Variants in RBFOX1 observed in about 807,000 individuals in gnomAD.
RBFOX1 encodes RNA binding fox-1 homolog 1, also known as RNA binding protein fox-1 homolog 1.
Under a neutral mutation model 57.7 loss-of-function variants are expected in RBFOX1, and 8 were observed. That is an observed-to-expected ratio of 0.14 (90% CI 0.08 to 0.25). The LOEUF is 0.25. Among genes scored for constraint, RBFOX1 ranks in the 10% least tolerant of loss-of-function variants. RBFOX1 has a pLI of 1.00. For synonymous variants in RBFOX1, 326 were observed against 222.4 expected, an observed-to-expected ratio of 1.47 and a Z score of -4.15; for missense variants, 611 against 548.5, an observed-to-expected ratio of 1.11 and a Z score of -1.14.
At chr16:6,917,523 A>G (rs2073473908) in intron 3 of RBFOX1, among the ~76,000 whole-genome samples, 1 of 152,210 alleles carries the variant, frequency 6.6e-6, no homozygotes, top group African/African-American at 2.4e-5. Flanking sequence ...ACTCTGTCCA[A>G]AGGAAGATCA....
At chr16:7,121,470 A>G (rs930812498) in intron 4 of RBFOX1, among the ~76,000 whole-genome samples, 3 of 152,132 alleles carry the variant, frequency 2.0e-5, no homozygotes, top group Non-Finnish European at 2.9e-5. Flanking sequence ...ACCATTTACA[A>G]TAGCTCCAAA....
chr16:7,337,313 C>T (rs911789143), intron 4 of RBFOX1, among the ~76,000 whole-genome samples: 3 of 152,004 alleles, frequency 2.0e-5, no homozygotes, highest in African/African-American at 4.8e-5. Context: ...CTCTTAGAGT[C>T]GGGAAGAGGG....
chr16:6,159,689 A>G (rs1441337667), intron 1 of RBFOX1, among the ~76,000 whole-genome samples: 1 of 152,224 alleles, frequency 6.6e-6, no homozygotes, highest in Non-Finnish European at 1.5e-5. Flanking sequence ...AAGTATGTAC[A>G]GTGAATGTGC....
chr16:6,990,108 A>G (rs1323782426), intron 3 of RBFOX1, among the ~76,000 whole-genome samples: 2 of 152,220 alleles, frequency 1.3e-5, no homozygotes, highest in African/African-American at 2.4e-5. Context: ...TTTTATGTGA[A>G]CATATGTCAC....
intron 2 of RBFOX1, among the ~76,000 whole-genome samples, chr16:6,422,297 G>T (rs950124428): frequency 9.3e-5 from 14 of 151,270 alleles, no homozygotes; most frequent in Non-Finnish European, 2.9e-5. Context: ...TTGTTACATG[G>T]GTGTACTGTG....
chr16:7,642,461 C>T (rs946647042), intron 11 of RBFOX1, among the ~76,000 whole-genome samples: 2 of 152,104 alleles, frequency 1.3e-5, no homozygotes, highest in African/African-American at 4.8e-5. Flanking sequence ...ACCGTCAGAC[C>T]CCTCTGAAGG....
intron 3 of RBFOX1, among the ~76,000 whole-genome samples, chr16:5,635,007 A>G (rs1410169335): frequency 2.0e-5 from 3 of 152,190 alleles, no homozygotes; most frequent in Non-Finnish European, 4.4e-5. Flanking sequence ...AGACTGGGTC[A>G]TGTGATCAGG....
At chr16:6,549,562 G>A (rs1324349057) in intron 2 of RBFOX1, among the ~76,000 whole-genome samples, 2 of 143,744 alleles carry the variant, frequency 1.4e-5, no homozygotes, top group Admixed American at 6.9e-5. Context: ...TGGGAGGAGG[G>A]GAGGAAGGGA....
chr16:7,643,584 T>A (rs531480314), intron 11 of RBFOX1, among the ~76,000 whole-genome samples: 2 of 152,350 alleles, frequency 1.3e-5, no homozygotes, highest in African/African-American at 4.8e-5. Context: ...TGTGTTCATC[T>A]GCAGCCTTTA....
At chr16:5,850,468 G>C (rs1246929624) in intron 3 of RBFOX1, among the ~76,000 whole-genome samples, 2 of 152,188 alleles carry the variant, frequency 1.3e-5, no homozygotes, top group African/African-American at 4.8e-5. Context: ...CATGAACTGT[G>C]CTAGGTTCTC....
intron 3 of RBFOX1, among the ~76,000 whole-genome samples, chr16:6,936,552 A>T (rs986796451): frequency 6.6e-6 from 1 of 151,988 alleles, no homozygotes; most frequent in Non-Finnish European, 1.5e-5. Flanking sequence ...TAAGGGCTAC[A>T]TTTTTTTCAT....
rs59583874 is a variant in RBFOX1, at chr16:7,510,487, C to CTGTGTGTGTG, written c.28-7645_28-7636dup. On this transcript the variant is annotated intron_variant, in intron 4 of 15. Coordinates refer to ENST00000550418, the MANE Select transcript of RBFOX1 (RefSeq NM_018723.4). The stretch of plus-strand genomic sequence containing the variant: ...AGAGAGTGTGTGTGTGTATGTGTGT[C>CTGTGTGTGTG]TGTGTGTGTGTGTGTGTGTGTGTGG... Among the ~76,000 whole-genome samples, 178 of 149,664 alleles carry CTGTGTGTGTG rather than the reference C, an allele frequency of 1.2e-3. 1 individual carries two copies. The highest frequency in any genetic ancestry group is 3.7e-3 in the African/African-American group (152 of 40,856).
intron 4 of RBFOX1, among the ~76,000 whole-genome samples, chr16:7,423,631 G>C (rs1232945616): frequency 2.0e-5 from 3 of 152,142 alleles, no homozygotes; most frequent in African/African-American, 7.2e-5. Flanking sequence ...GTTTGCAATT[G>C]CAGCTTGTGC....
chr16:6,639,042 A>T (rs1567993989), intron 2 of RBFOX1, among the ~76,000 whole-genome samples: 1 of 152,200 alleles, frequency 6.6e-6, no homozygotes, highest in African/African-American at 2.4e-5. Context: ...CTGTGGCCCC[A>T]CCCAGCCACC....
At chr16:6,664,054 T>A (rs955397022) in intron 3 of RBFOX1, among the ~76,000 whole-genome samples, 1 of 152,162 alleles carries the variant, frequency 6.6e-6, no homozygotes, top group Non-Finnish European at 1.5e-5. Context: ...CCATGAGAAA[T>A]GGTCAGGTGT....
chr16:6,233,794 C>A (rs561024631), intron 1 of RBFOX1, among the ~76,000 whole-genome samples: 132 of 152,118 alleles, frequency 8.7e-4, no homozygotes, highest in South Asian at 1.7e-3. Context: ...TTTTTTCCAT[C>A]CGTCCTCCAT....
Position 5,259,032 on chromosome 16 carries a change from G to A in RBFOX1, c.219+18927G>A, listed in dbSNP as rs192565564. On this transcript the variant is annotated intron_variant, in intron 1 of 2. Transcript: ENST00000585867. Reference sequence around the variant, plus strand: ...TGGGGAGGAGGGGGTGACCTTCAGCGCAGGTTCAAGCATTCCCAGGGCTGG... The same window carrying A: ...TGGGGAGGAGGGGGTGACCTTCAGCACAGGTTCAAGCATTCCCAGGGCTGG... Among the ~76,000 whole-genome samples the A allele has an allele frequency of 5.8e-4, 88 of 152,238 alleles. 1 individual carries two copies. In the East Asian group the frequency reaches 0.013, roughly 22 times the overall value.
chr16:6,888,575 T>C (rs926270098), intron 3 of RBFOX1, among the ~76,000 whole-genome samples: 14 of 152,098 alleles, frequency 9.2e-5, no homozygotes, highest in Admixed American at 3.9e-4. Flanking sequence ...GGGTAAAATA[T>C]TGTGTCCGTA....
chr16:6,548,695 T>A (rs2096928962), intron 2 of RBFOX1, among the ~76,000 whole-genome samples: 1 of 152,172 alleles, frequency 6.6e-6, no homozygotes, highest in South Asian at 2.1e-4. Context: ...GATTTCACGA[T>A]GTCGCAAGAA....
Sources: gnomAD v4.1 joint callset for allele counts (sites outside exome capture counted in the v4.1 genomes callset) on GRCh38, gnomAD v4.1.1 for gene constraint, MANE v1.5 for transcripts, NCBI Gene and HGNC (gene_info 2026-07-23, HGNC 2026-07-21) for gene names.